The following AGBL1 variants were observed in gnomAD, a reference collection of about 807,000 sequenced individuals.
AGBL1 encodes the protein cytosolic carboxypeptidase 4.
In AGBL1, 130 loss-of-function variants were observed where a neutral mutation model predicts 118.9. The ratio of observed to expected loss-of-function variants is 1.09; its 90% CI spans 0.95 to 1.26. AGBL1 has a LOEUF of 1.26. AGBL1 is among the 50% of genes most tolerant of loss of function. AGBL1 has a pLI of 0.00. For missense variants in AGBL1, 1,584 were observed against 1,298.1 expected, an observed-to-expected ratio of 1.22 and a Z score of -3.38; for synonymous variants, 555 against 478.9, an observed-to-expected ratio of 1.16 and a Z score of -2.08.
chr15:86,251,446 A>G (rs1461211353), intron 7 of AGBL1, among the ~76,000 whole-genome samples: 1 of 152,204 alleles, frequency 6.6e-6, no homozygotes, highest in Non-Finnish European at 1.5e-5. Context: ...CGCTGATACT[A>G]CTGATTTAGG....
chr15:86,254,135 A>G (rs768328582), intron 7 of AGBL1, among the ~76,000 whole-genome samples: 8 of 152,216 alleles, frequency 5.3e-5, no homozygotes, highest in Non-Finnish European at 1.2e-4. Flanking sequence ...GGGAATTATT[A>G]CTAGGACTCT....
chr15:86,158,773 GAAT>G (rs2077226908), intron 4 of AGBL1, among the ~76,000 whole-genome samples, 157 bp from the exon 5 acceptor site: 1 of 112,990 alleles, frequency 8.9e-6, no homozygotes, highest in Admixed American at 7.8e-5. Flanking sequence ...GGAGACCCGA[GAAT>G]GACATTATAG....
chr15:87,007,238 G>A (rs946235872), intron 24 of AGBL1, among the ~76,000 whole-genome samples: 6 of 151,794 alleles, frequency 4.0e-5, no homozygotes, highest in African/African-American at 7.3e-5. Context: ...TACGCTAGCT[G>A]TATATATATA....
At position 86,201,918 on chromosome 15, in the gene AGBL1, G is replaced by T. The variant is rs139159570; in HGVS notation, c.489-22996G>T. Among the ~76,000 whole-genome samples, 9 of 152,212 alleles carry T rather than the reference G, an allele frequency of 5.9e-5. No homozygotes were observed. The East Asian group carries it at 1.7e-3, about 29-fold the overall frequency. ...GACAGATAGGTTTGGGCACATGTAG[G>T]GGGCGGTGCTGGCAGACAAAGAAGG... On this transcript the variant is annotated intron_variant, in intron 5 of 22. Transcript: ENST00000614907.
intron 9 of AGBL1, among the ~76,000 whole-genome samples, chr15:86,260,588 T>C (rs1163768230): frequency 1.3e-5 from 2 of 152,196 alleles, no homozygotes; most frequent in African/African-American, 4.8e-5. Context: ...ATGATCCGTA[T>C]GCAACATGCT....
intron 8 of AGBL1, 150 bp from the exon 9 acceptor site, chr15:86,257,814 C>G: frequency 4.3e-6 from 3 of 700,284 alleles, no homozygotes; most frequent in South Asian, 3.8e-5. Context: ...GACCAATAAG[C>G]ATTTGTGTGT....
At chr15:86,236,873 G>T (rs1299965091) in intron 6 of AGBL1, among the ~76,000 whole-genome samples, 2 of 129,490 alleles carry the variant, frequency 1.5e-5, no homozygotes, top group Non-Finnish European at 3.2e-5. Context: ...TCCCACCCTA[G>T]CCTTTTAATA....
chr15:86,222,041 G>T (rs2078288760), intron 5 of AGBL1, among the ~76,000 whole-genome samples: 1 of 152,128 alleles, frequency 6.6e-6, no homozygotes, highest in East Asian at 1.9e-4. Context: ...AGGTCTCCTA[G>T]TTCCTCAAAT....
intron 7 of AGBL1, 81 bp downstream of exon 7, chr15:86,247,960 A>G (rs2078748788): frequency 6.7e-7 from 1 of 1,502,388 alleles, no homozygotes; most frequent in African/African-American, 1.4e-5. Flanking sequence ...ATCATCCCAG[A>G]TAGAGCTGGG....
chr15:86,494,329 A>T (rs1305732625), intron 18 of AGBL1, among the ~76,000 whole-genome samples: 1 of 152,090 alleles, frequency 6.6e-6, no homozygotes, highest in East Asian at 1.9e-4. Flanking sequence ...TTATGGTTAC[A>T]GCTAATCTCC....
chr15:86,466,919 G>C (rs2082415310), intron 18 of AGBL1, among the ~76,000 whole-genome samples: 1 of 152,218 alleles, frequency 6.6e-6, no homozygotes, highest in Non-Finnish European at 1.5e-5. Context: ...TCTCCTGTAT[G>C]AAGTGTCTCC....
intron 5 of AGBL1, among the ~76,000 whole-genome samples, chr15:86,169,587 T>C (rs574522531): frequency 2.6e-5 from 4 of 152,374 alleles, no homozygotes; most frequent in South Asian, 2.1e-4. Flanking sequence ...ATATAACTTA[T>C]GCACTTCCTC....
Position 86,518,242 on chromosome 15 carries a change from G to T in AGBL1, c.2556-4568G>T, listed in dbSNP as rs530098163. 3.3e-5 allele frequency among the ~76,000 whole-genome samples: 5 copies of T among 152,034 alleles called. No individual in the cohort carries two copies. The East Asian group carries it at 7.8e-4, about 24-fold the overall frequency. ...TTTCTTGGCTTTAGGAGTTCTGGTA[G>T]TTCAGGATCTAGTTGTTAAAGCCCG... On this transcript the variant is annotated intron_variant, in intron 18 of 22. Transcript: ENST00000614907.
chr15:86,298,296 ATGG>A (rs1567185791), intron 17 of AGBL1, among the ~76,000 whole-genome samples: 60 of 103,232 alleles, frequency 5.8e-4, no homozygotes, highest in Admixed American at 7.8e-4. Context: ...CTATATATAT[ATGG>A]TAGCTATATA....
chr15:86,528,068 T>C (rs1453286670), intron 19 of AGBL1, among the ~76,000 whole-genome samples: 1 of 152,134 alleles, frequency 6.6e-6, no homozygotes, highest in Non-Finnish European at 1.5e-5. Context: ...ACAAAGAAAA[T>C]ATTTTATTTA....
chr15:86,370,567 T>C (rs903306509), intron 17 of AGBL1, among the ~76,000 whole-genome samples: 5 of 152,156 alleles, frequency 3.3e-5, no homozygotes, highest in Admixed American at 6.5e-5. Flanking sequence ...AGTTCTGGGA[T>C]TACAGGCGTG....
intron 23 of AGBL1, among the ~76,000 whole-genome samples, chr15:86,953,091 G>A (rs1431349464): frequency 6.6e-6 from 1 of 152,084 alleles, no homozygotes; most frequent in Admixed American, 6.5e-5. Context: ...CGTTTGAAGT[G>A]GGGTAGTATG....
At chr15:86,778,716 C>T (rs1187733258) in intron 22 of AGBL1, among the ~76,000 whole-genome samples, 1 of 152,152 alleles carries the variant, frequency 6.6e-6, no homozygotes, top group Admixed American at 6.5e-5. Flanking sequence ...TTCAAACACA[C>T]ATGCTCTACA....
intron 21 of AGBL1, among the ~76,000 whole-genome samples, chr15:86,617,091 C>T (rs2084738898): frequency 6.6e-6 from 1 of 152,154 alleles, no homozygotes; most frequent in Admixed American, 6.5e-5. Context: ...TTCCTCAAGT[C>T]CCTTCTTAGC....
Sources: allele counts gnomAD v4.1 joint callset (sites outside exome capture counted in the v4.1 genomes callset), GRCh38; gene constraint gnomAD v4.1.1; transcripts MANE v1.5; gene names NCBI Gene and HGNC (gene_info 2026-07-23, HGNC 2026-07-21).